Variants in PLCXD1 observed in about 807,000 individuals in gnomAD.
The protein encoded by PLCXD1 is phosphatidylinositol specific phospholipase C X domain containing 1, also known as PI-PLC X domain-containing protein 1.
PLCXD1 carries 45 observed loss-of-function variants against 37.8 expected under a neutral mutation model. The observed-to-expected ratio is 1.19, with a 90% CI of 0.94 to 1.53. The LOEUF is 1.53. Ranked by LOEUF, PLCXD1 falls within the 40% of genes most tolerant of loss-of-function variation. PLCXD1 has a pLI of 0.00. For synonymous variants in PLCXD1, 246 were observed against 206.9 expected, an observed-to-expected ratio of 1.19 and a Z score of -1.62; for missense variants, 539 against 454.7, an observed-to-expected ratio of 1.19 and a Z score of -1.69.
chrX:297,536 C>T (rs1223540604), intron 6 of PLCXD1, among the ~76,000 whole-genome samples: 8 of 55,574 alleles, frequency 1.4e-4, no homozygotes, highest in Admixed American at 3.1e-4. Context: ...GGGATTAGGA[C>T]GTGGACATCT....
rs2070043822 is a variant in PLCXD1 at position 302,369 on chromosome X, G to T, written c.*3034G>T. ...TGCCTCTGAAGCGTGAACGGTCCTA[G>T]TTTCAGACGCAGATCCTGCAAATAC... On this transcript the variant is annotated 3_prime_UTR_variant, in exon 7 of 7. Coordinates refer to ENST00000381657, the MANE Select transcript of PLCXD1 (RefSeq NM_018390.4). The T allele has an allele frequency of 6.6e-6, 1 of 152,110 alleles. No homozygotes were observed. The highest frequency in any genetic ancestry group is 2.4e-5 in the African/African-American group (1 of 41,414). The allele number at this position is 152,110 out of a possible 1,614,324, so 9.4% of individuals were successfully genotyped here.
intron 6 of PLCXD1, among the ~76,000 whole-genome samples, chrX:293,646 G>A (rs923541074): frequency 2.0e-5 from 3 of 152,164 alleles, no homozygotes; most frequent in Non-Finnish European, 4.4e-5. Context: ...GCGGGGGGAG[G>A]GATCAACAAG....
chrX:282,890 T>G (rs773312390), intron 1 of PLCXD1, among the ~76,000 whole-genome samples: 1 of 146,292 alleles, frequency 6.8e-6, no homozygotes, highest in African/African-American at 2.5e-5. Context: ...ATGTATGTGT[T>G]ATATATGTCT....
intron 2 of PLCXD1, among the ~76,000 whole-genome samples, chrX:288,067 C>G (rs894406550): frequency 2.6e-5 from 4 of 151,134 alleles, no homozygotes; most frequent in African/African-American, 9.7e-5. Flanking sequence ...TCACTCCAGT[C>G]TCTGCCTCCA....
intron 3 of PLCXD1, among the ~76,000 whole-genome samples, chrX:290,137 T>G: frequency 6.6e-6 from 1 of 152,048 alleles, no homozygotes; most frequent in East Asian, 1.9e-4. Flanking sequence ...TTTTAAAATT[T>G]TTAGTAGAGG....
upstream of PLCXD1, among the ~76,000 whole-genome samples, chrX:279,537 C>T (rs2069218050): frequency 6.6e-6 from 1 of 152,134 alleles, no homozygotes; most frequent in Admixed American, 6.5e-5. Context: ...TTTGGGAAGC[C>T]AAGGCGGGCG....
At chrX:292,733 C>G (rs1475777332) in intron 5 of PLCXD1, among the ~76,000 whole-genome samples, 2 of 151,970 alleles carry the variant, frequency 1.3e-5, no homozygotes, top group Non-Finnish European at 2.9e-5. Context: ...CTACCTCAGC[C>G]TTCTGACTAG....
rs1329840103 is a variant in PLCXD1 at position 300,208 on chromosome X, TG to T, written c.*874del. On this transcript the variant is annotated 3_prime_UTR_variant, in exon 7 of 7. Transcript: ENST00000381657. ...AGCCCATAATATGTTTTCTTATTTC[TG>T]TATTCTCCTTGCTGTGGCGTCTGGA... The T allele has an allele frequency of 6.6e-6, 1 of 152,066 alleles. No homozygotes were observed. The highest frequency in any genetic ancestry group is 1.5e-5 in the Non-Finnish European group (1 of 68,032). The allele number at this position is 152,066 out of a possible 1,614,324, so 9.4% of individuals were successfully genotyped here.
chrX:292,415 C>T (rs183139148), intron 5 of PLCXD1, among the ~76,000 whole-genome samples: 10 of 151,940 alleles, frequency 6.6e-5, no homozygotes, highest in African/African-American at 2.2e-4. Flanking sequence ...GCCGAGATCG[C>T]GCCACTGCAT....
At position 284,242 on chromosome X, in the gene PLCXD1, G is replaced by A; in HGVS notation, c.55G>A (p.Ala19Thr). Reference protein sequence around the residue: ...NSFSRLHCRNANEDWMSALCP... With the variant: ...NSFSRLHCRNTNEDWMSALCP... ...CTTCTCGAGGCTGCACTGCAGAAATGCCAACGAGGACTGGATGTCGGCACT... is the reference window on the plus strand; with the variant it reads ...CTTCTCGAGGCTGCACTGCAGAAATACCAACGAGGACTGGATGTCGGCACT... The change falls in exon 2 of 7, where the codon GCC becomes ACC. Residue 19 changes from alanine to threonine, a missense_variant. Coordinates refer to ENST00000381657, the MANE Select transcript of PLCXD1 (RefSeq NM_018390.4). The A allele has an allele frequency of 6.2e-7, 1 of 1,613,656 alleles. No individual in the cohort carries two copies. Among genetic ancestry groups the A allele is most frequent in the Non-Finnish European group, 8.5e-7 (1 of 1,179,824 alleles).
rs1012791240 is a variant in PLCXD1, at chrX:284,257, A to T, written c.70A>T (p.Met24Leu). The T allele has an allele frequency of 1.2e-6, 2 of 1,613,122 alleles. No individual in the cohort carries two copies. The highest frequency in any genetic ancestry group is 2.7e-5 in the African/African-American group (2 of 74,900). Residue 24 changes from methionine to leucine, a missense_variant, in exon 2 of 7, where the codon ATG becomes TTG. Physicochemically the swap from Met to Leu is conservative, Grantham distance 15. Coordinates refer to ENST00000381657, the MANE Select transcript of PLCXD1 (RefSeq NM_018390.4). ...CTGCAGAAATGCCAACGAGGACTGGATGTCGGCACTGTGTCCCCGGCTCTG... is the reference window on the plus strand; with the variant it reads ...CTGCAGAAATGCCAACGAGGACTGGTTGTCGGCACTGTGTCCCCGGCTCTG... ...LHCRNANEDWMSALCPRLWDV... is the reference protein window; with the variant it reads ...LHCRNANEDWLSALCPRLWDV...
chrX:299,587 A>C lies in PLCXD1; in HGVS notation c.*252A>C, dbSNP rs112196774. 12 of 567,446 alleles carry C rather than the reference A, an allele frequency of 2.1e-5. No individual in the cohort carries two copies. In the African/African-American group the frequency reaches 2.4e-4, roughly 11 times the overall value. The allele number at this position is 567,446 out of a possible 1,614,324, so 35.2% of individuals were successfully genotyped here. ...AGCCTGACCAACATGGTGAAATCCC[A>C]TCTCTACTAAAAATACAAAACTTAG... On this transcript the variant is annotated 3_prime_UTR_variant, in exon 7 of 7. Coordinates refer to ENST00000381657, the MANE Select transcript of PLCXD1 (RefSeq NM_018390.4).
chrX:301,631 GAGT>G lies in PLCXD1; in HGVS notation c.*2298_*2300del, dbSNP rs1444693175. ...GCTAATTATTTAGTAGTAGTAGGAG[GAGT>G]ATTATGTTTGAGATGGAGTCTCGCT... On this transcript the variant is annotated 3_prime_UTR_variant, in exon 7 of 7. Coordinates refer to ENST00000381657, the MANE Select transcript of PLCXD1 (RefSeq NM_018390.4). 7 of 152,060 alleles carry G rather than the reference GAGT, an allele frequency of 4.6e-5. No individual in the cohort carries two copies. Among genetic ancestry groups the G allele is most frequent in the African/African-American group, 1.7e-4 (7 of 41,394 alleles). The allele number at this position is 152,060 out of a possible 1,614,324, so 9.4% of individuals were successfully genotyped here.
chrX:289,298 A>G (rs1349973474), intron 3 of PLCXD1, among the ~76,000 whole-genome samples: 1 of 152,008 alleles, frequency 6.6e-6, no homozygotes, highest in East Asian at 1.9e-4. Context: ...CGTGTTAGTC[A>G]GGATGGTCTT....
rs185549106 is a variant in PLCXD1, at chrX:289,346, G to C, written c.264+477G>C. 8.9e-3 allele frequency among the ~76,000 whole-genome samples: 1,341 copies of C among 150,952 alleles called. 10 individuals are homozygous for C. Among genetic ancestry groups the C allele is most frequent in the Non-Finnish European group, 0.014 (954 of 67,660 alleles). On this transcript the variant is annotated intron_variant, in intron 3 of 6. Transcript: ENST00000381657. ...TCATGATCTGCCCGCCCCAGCCTCC[G>C]AAAGTGCTGGGATTACAGGCGTGAG...
intron 2 of PLCXD1, among the ~76,000 whole-genome samples, chrX:287,225 T>TTATATTTATATATAATA (rs1164384749): frequency 6.9e-6 from 1 of 144,210 alleles, no homozygotes; most frequent in Non-Finnish European, 1.5e-5. Flanking sequence ...ACATACATAT[T>TTATATTTATATATAATA]TATATTTATA....
chrX:278,471 G>A (rs1324686867), upstream of PLCXD1, among the ~76,000 whole-genome samples: 1 of 152,134 alleles, frequency 6.6e-6, no homozygotes, highest in African/African-American at 2.4e-5. Context: ...GGGCACGGTG[G>A]CTCACGCCTG....
At chrX:296,395 T>A in intron 6 of PLCXD1, among the ~76,000 whole-genome samples, 2 of 152,288 alleles carry the variant, frequency 1.3e-5, no homozygotes, top group South Asian at 4.2e-4. Flanking sequence ...CGTGCTGGGA[T>A]GACAGGCATG....
At chrX:296,386 G>T (rs1271678711) in intron 6 of PLCXD1, among the ~76,000 whole-genome samples, 1 of 152,084 alleles carries the variant, frequency 6.6e-6, no homozygotes, top group Admixed American at 6.6e-5. Context: ...ACCTCTCAAC[G>T]TGCTGGGATG....
Sources: gnomAD v4.1 joint callset for allele counts (sites outside exome capture counted in the v4.1 genomes callset) on GRCh38, gnomAD v4.1.1 for gene constraint, MANE v1.5 for transcripts, NCBI Gene and HGNC (gene_info 2026-07-23, HGNC 2026-07-21) for gene names.